The following LINGO2 variants were observed in gnomAD, a reference collection of about 807,000 sequenced individuals.
The protein encoded by LINGO2 is leucine rich repeat and Ig domain containing 2.
Under a neutral mutation model 30.6 loss-of-function variants are expected in LINGO2, and 14 were observed. The ratio of observed to expected loss-of-function variants is 0.46; its 90% confidence interval spans 0.30 to 0.72. The LOEUF (loss-of-function observed/expected upper bound fraction) is 0.72, where lower values mean the gene tolerates loss of function less well. Among genes scored for constraint, LINGO2 ranks in the 30% least tolerant of loss-of-function variants. LINGO2 has a pLI of 0.07. For missense variants in LINGO2, 729 were observed against 751.7 expected, an observed-to-expected ratio of 0.97 and a Z score of 0.35; for synonymous variants, 317 against 288.5, an observed-to-expected ratio of 1.10 and a Z score of -1.00.
At chr9:28,720,187 G>C in the LINGO2 span, among the ~76,000 whole-genome samples, 1 of 151,986 alleles carries the variant, frequency 6.6e-6, no homozygotes, top group Non-Finnish European at 1.5e-5. Context: ...ATAAAGTCTT[G>C]TTTCATGTAT....
At chr9:28,885,946 T>C in the LINGO2 span, among the ~76,000 whole-genome samples, 2 of 152,196 alleles carry the variant, frequency 1.3e-5, no homozygotes, top group African/African-American at 4.8e-5. Flanking sequence ...TTGCCTAATA[T>C]ACTCTTTTAT....
the LINGO2 span, among the ~76,000 whole-genome samples, chr9:28,874,492 T>A: frequency 1.1e-4 from 16 of 152,112 alleles, no homozygotes; most frequent in Admixed American, 8.5e-4. Context: ...TGTAATTATA[T>A]AAAGTACATT....
downstream of LINGO2, chr9:27,943,816 A>G (rs1003775610): frequency 6.6e-6 from 1 of 152,220 alleles, no homozygotes; most frequent in Non-Finnish European, 1.5e-5. Context: ...GGGGAATACC[A>G]AAGCTTTTCT....
At chr9:28,078,901 A>ATCTT (rs1825699686) in intron 4 of LINGO2, among the ~76,000 whole-genome samples, 1 of 148,366 alleles carries the variant, frequency 6.7e-6, no homozygotes, top group South Asian at 2.1e-4. Flanking sequence ...GCCAAGTGGG[A>ATCTT]GCACATTTCA....
chr9:29,064,068 G>T, the LINGO2 span, among the ~76,000 whole-genome samples: 1 of 151,942 alleles, frequency 6.6e-6, no homozygotes, highest in Non-Finnish European at 1.5e-5. Flanking sequence ...TTGTCGCAGT[G>T]AACATCTATA....
chr9:28,466,349 T>C (rs1026331704), intron 2 of LINGO2, among the ~76,000 whole-genome samples: 3 of 152,248 alleles, frequency 2.0e-5, no homozygotes, highest in African/African-American at 4.8e-5. Flanking sequence ...TTATGCTAAA[T>C]GAAATAAGCC....
the LINGO2 span, among the ~76,000 whole-genome samples, chr9:28,836,285 C>T: frequency 1.4e-3 from 209 of 152,254 alleles, 3 homozygotes; most frequent in African/African-American, 4.7e-3. Context: ...GGCTTGCAGG[C>T]ACTGCACCCT....
chr9:28,399,216 C>T (rs10968561), intron 2 of LINGO2, among the ~76,000 whole-genome samples: 50,428 of 151,972 alleles, frequency 0.33, 8,588 homozygotes, highest in Middle Eastern at 0.47. Context: ...GACACATAGA[C>T]TAGCAAACCT....
the LINGO2 span, among the ~76,000 whole-genome samples, chr9:28,874,216 A>G: frequency 6.6e-6 from 1 of 152,030 alleles, no homozygotes; most frequent in African/African-American, 2.4e-5. Flanking sequence ...TTAAAAGCCA[A>G]TATTTGGACC....
At chr9:28,349,978 T>C (rs371882187) in intron 3 of LINGO2, among the ~76,000 whole-genome samples, 1 of 152,096 alleles carries the variant, frequency 6.6e-6, no homozygotes, top group African/African-American at 2.4e-5. Context: ...CAGGCCTACC[T>C]TAAAAGAGCT....
At chr9:29,179,132 G>A in the LINGO2 span, among the ~76,000 whole-genome samples, 1 of 141,194 alleles carries the variant, frequency 7.1e-6, no homozygotes, top group Non-Finnish European at 1.5e-5. Flanking sequence ...GAAAAGTAAC[G>A]TGATAAAATG....
At chr9:29,069,764 G>A in the LINGO2 span, among the ~76,000 whole-genome samples, 1 of 152,044 alleles carries the variant, frequency 6.6e-6, no homozygotes, top group Non-Finnish European at 1.5e-5. Flanking sequence ...TTACATAAGA[G>A]ATACTTTGAG....
intron 5 of LINGO2, among the ~76,000 whole-genome samples, chr9:28,000,393 G>T (rs1821889032): frequency 6.6e-6 from 1 of 152,086 alleles, no homozygotes; most frequent in African/African-American, 2.4e-5. Flanking sequence ...AAAAAAGGAG[G>T]GAGAAAAAGA....
At chr9:28,601,429 A>C (rs1825467247) in intron 1 of LINGO2, among the ~76,000 whole-genome samples, 1 of 152,148 alleles carries the variant, frequency 6.6e-6, no homozygotes, top group Non-Finnish European at 1.5e-5. Context: ...CTCTTGTTGA[A>C]AAATGTGTTG....
intron 2 of LINGO2, among the ~76,000 whole-genome samples, chr9:28,418,752 T>C (rs1222721785): frequency 4.6e-5 from 7 of 152,102 alleles, no homozygotes; most frequent in Middle Eastern, 3.2e-3. Flanking sequence ...CTCTTGATTA[T>C]AAGGGAACTT....
At chr9:28,912,543 G>A in the LINGO2 span, among the ~76,000 whole-genome samples, 1 of 152,054 alleles carries the variant, frequency 6.6e-6, no homozygotes, top group Admixed American at 6.6e-5. Context: ...TTGCCCATAG[G>A]AGAAACAGAT....
intron 3 of LINGO2, among the ~76,000 whole-genome samples, chr9:28,345,238 T>A (rs1421776215): frequency 6.6e-6 from 1 of 152,152 alleles, no homozygotes; most frequent in Non-Finnish European, 1.5e-5. Flanking sequence ...TATTTAAGAA[T>A]TGAATTAAAT....
chr9:28,866,767 CG>C, the LINGO2 span, among the ~76,000 whole-genome samples: 12 of 152,042 alleles, frequency 7.9e-5, no homozygotes, highest in Admixed American at 2.6e-4. Flanking sequence ...CTTCTATCAC[CG>C]GGGGGTAAAT....
chr9:28,957,901 T>C, the LINGO2 span, among the ~76,000 whole-genome samples: 1,367 of 152,312 alleles, frequency 9.0e-3, 32 homozygotes, highest in African/African-American at 0.03. Flanking sequence ...ACTAATTTCT[T>C]TACTTATAGC....
Sources: gnomAD v4.1 joint callset for allele counts (sites outside exome capture counted in the v4.1 genomes callset) on GRCh38, gnomAD v4.1.1 for gene constraint, MANE v1.5 for transcripts, NCBI Gene and HGNC (gene_info 2026-07-23, HGNC 2026-07-21) for gene names.